Variants in MTAP observed in about 807,000 individuals in gnomAD.
The protein encoded by MTAP is methylthioadenosine phosphorylase.
A neutral mutation model predicts 33.6 loss-of-function variants in MTAP; 33 were observed. The observed-to-expected ratio is 0.98, with a 90% CI of 0.74 to 1.31. The LOEUF (loss-of-function observed/expected upper bound fraction) is 1.31, where lower values mean the gene tolerates loss of function less well. MTAP is among the 40% of genes most tolerant of loss of function. MTAP has a pLI of 0.00. For synonymous variants in MTAP, 148 were observed against 125.7 expected (o/e 1.18, Z -1.19); for missense variants, 367 against 360.0 (o/e 1.02, Z -0.16).
intron 1 of MTAP, chr9:21,893,145 A>G (rs1482435459): frequency 2.0e-5 from 3 of 152,230 alleles, no homozygotes; most frequent in South Asian, 2.1e-4. Context: ...GAAAATGTAC[A>G]GTGCTAAATG....
intron 4 of MTAP, among the ~76,000 whole-genome samples, chr9:21,824,825 C>T (rs988887104): frequency 1.2e-4 from 19 of 152,254 alleles, no homozygotes; most frequent in Middle Eastern, 3.4e-3. Flanking sequence ...CCAGCCTTGC[C>T]GCCGCCTTGC....
intron 1 of MTAP, among the ~76,000 whole-genome samples, chr9:21,916,019 G>A (rs529483761): frequency 7.1e-6 from 1 of 140,452 alleles, no homozygotes; most frequent in Admixed American, 7.0e-5. Flanking sequence ...GACAAGGCAC[G>A]ACTGTGTTTC....
rs866257171 is a variant in MTAP at position 21,864,847 on chromosome 9, C to T, written c.*2833C>T. ...CATCCACAGGATGCTCCTGGAGCCT[C>T]TTCTCTGGCTGCTACCTCAGGGCAT... On this transcript the variant is annotated 3_prime_UTR_variant, in exon 8 of 8. Transcript: ENST00000644715. The T allele has an allele frequency of 1.0e-6, 1 of 985,460 alleles. No individual in the cohort carries two copies. Among genetic ancestry groups the T allele is most frequent in the East Asian group, 1.1e-4 (1 of 8,808 alleles). 61.0% of individuals were successfully genotyped at this position (985,460 alleles called of 1,614,324 possible). A position where few individuals can be genotyped will look rare whatever the true frequency, so the allele number is the denominator to read the frequency against.
chr9:21,869,279 C>T (rs1825900022), downstream of MTAP, among the ~76,000 whole-genome samples: 1 of 152,136 alleles, frequency 6.6e-6, no homozygotes, highest in Non-Finnish European at 1.5e-5. Context: ...GCACCATCTT[C>T]AGCACCAACA....
downstream of MTAP, among the ~76,000 whole-genome samples, chr9:21,939,628 C>T (rs1819101946): frequency 2.0e-5 from 3 of 151,958 alleles, no homozygotes; most frequent in South Asian, 6.2e-4. Flanking sequence ...CTTTGGGAGG[C>T]CAAGGAGGGC....
chr9:21,802,985 AACACACACACACACACACACACAC>A (rs753392319), intron 1 of MTAP: 25 of 445,092 alleles, frequency 5.6e-5, no homozygotes, highest in South Asian at 3.1e-4. Flanking sequence ...CCGCACCGCC[AACACACACACACACACACACACAC>A]ACACACACAC....
intron 4 of MTAP, among the ~76,000 whole-genome samples, chr9:21,833,246 C>T (rs1044983018): frequency 3.9e-5 from 6 of 152,102 alleles, no homozygotes; most frequent in South Asian, 2.1e-4. Context: ...AGTACAGTGG[C>T]GCCACAGCTC....
intron 1 of MTAP, among the ~76,000 whole-genome samples, chr9:21,814,215 G>A (rs1359185143): frequency 6.6e-6 from 1 of 152,056 alleles, no homozygotes; most frequent in Non-Finnish European, 1.5e-5. Flanking sequence ...TTTTGTGTGT[G>A]TGTTTTGTTT....
downstream of MTAP, chr9:21,934,932 C>T (rs1354350078): frequency 6.6e-6 from 1 of 152,118 alleles, no homozygotes; most frequent in Non-Finnish European, 1.5e-5. This position sits in a 1 kb window ranked among gnomAD's most constrained non-coding sequence, Gnocchi z 5.0. Context: ...AGCTCCTGAC[C>T]TCATGATCTG....
intron 5 of MTAP, among the ~76,000 whole-genome samples, chr9:21,851,598 T>C (rs1825513602): frequency 6.6e-6 from 1 of 152,188 alleles, no homozygotes; most frequent in Admixed American, 6.5e-5. Flanking sequence ...TCAGGAGATG[T>C]GTATGGATTC....
At chr9:21,881,735 C>A (rs1299788680) in intron 1 of MTAP, among the ~76,000 whole-genome samples, 1 of 151,812 alleles carries the variant, frequency 6.6e-6, no homozygotes, top group East Asian at 1.9e-4. Flanking sequence ...GAAAATGTTG[C>A]CATAGATGTG....
chr9:21,894,364 C>T (rs1469030499), intron 1 of MTAP, among the ~76,000 whole-genome samples: 2 of 152,066 alleles, frequency 1.3e-5, no homozygotes, highest in Non-Finnish European at 2.9e-5. Context: ...TGCCCACTCT[C>T]ACCACTCCTA....
At chr9:21,848,210 T>C (rs535050577) in intron 5 of MTAP, among the ~76,000 whole-genome samples, 1 of 152,272 alleles carries the variant, frequency 6.6e-6, no homozygotes, top group Non-Finnish European at 1.5e-5. Context: ...AGACTCCCAT[T>C]TGCTTCTAGA....
chr9:21,870,783 T>TC (rs961604386), downstream of MTAP, among the ~76,000 whole-genome samples: 2 of 148,908 alleles, frequency 1.3e-5, no homozygotes, highest in Non-Finnish European at 3.0e-5. Flanking sequence ...TTTTTTCTTT[T>TC]TTTTTTTTTT....
chr9:21,819,543 A>T (rs982866918), intron 4 of MTAP, among the ~76,000 whole-genome samples: 8 of 152,280 alleles, frequency 5.3e-5, no homozygotes, highest in East Asian at 1.9e-4. Context: ...TCTATCATTG[A>T]TGGACATTTG....
chr9:21,916,533 C>A (rs866940051), intron 1 of MTAP, among the ~76,000 whole-genome samples: 2 of 151,974 alleles, frequency 1.3e-5, no homozygotes, highest in Non-Finnish European at 2.9e-5. Context: ...TCACTTGAAC[C>A]CAGGAGATGG....
intron 1 of MTAP, chr9:21,803,021 CACACACACACACA>C (rs1382627168): frequency 6.6e-5 from 73 of 1,100,206 alleles, no homozygotes; most frequent in Non-Finnish European, 8.0e-5. Flanking sequence ...CACACACACA[CACACACACACACA>C]CACCACCTTT....
chr9:21,803,028 A>ACACACACACACACACACACACACC (rs1824101768), intron 1 of MTAP: 2 of 1,015,822 alleles, frequency 2.0e-6, no homozygotes, highest in East Asian at 3.2e-5. Flanking sequence ...ACACACACAC[A>ACACACACACACACACACACACACC]CACACACACC....
rs148068697 is a variant in MTAP, at chr9:21,854,730, T to G, written c.550T>G (p.Phe184Val). 120 of 1,614,180 alleles carry G rather than the reference T, an allele frequency of 7.4e-5. No homozygotes were observed. The African/African-American group carries it at 1.4e-3, about 19-fold the overall frequency. ...GPRFSSRAES[F>V]MFRTWGADVI... ...TCGTTTTAGCTCCCGGGCAGAAAGC[T>G]TCATGTTCCGCACCTGGGGGGCGGA... The change falls in exon 6 of 8, where the codon TTC becomes GTC. Residue 184 changes from phenylalanine to valine, a missense_variant. By Grantham distance (50) the Phe-to-Val change is conservative. Coordinates refer to ENST00000644715, the MANE Select transcript of MTAP (RefSeq NM_002451.4).
Sources: allele counts gnomAD v4.1 joint callset (sites outside exome capture counted in the v4.1 genomes callset), GRCh38; gene constraint gnomAD v4.1.1; non-coding constraint Gnocchi (gnomAD v3.1); transcripts MANE v1.5; gene names NCBI Gene and HGNC (gene_info 2026-07-23, HGNC 2026-07-21).